Variants in IKZF3 observed in about 807,000 individuals in gnomAD.
The protein encoded by IKZF3 is zinc finger protein Aiolos.
IKZF3 carries 10 observed loss-of-function variants against 49.0 expected under a neutral mutation model. The ratio of observed to expected loss-of-function variants is 0.20; its 90% CI spans 0.13 to 0.35. The LOEUF (loss-of-function observed/expected upper bound fraction) is 0.35. Ranked by LOEUF, IKZF3 falls within the 10% of genes least tolerant of loss-of-function variation. The pLI is 1.00. For synonymous variants in IKZF3, 209 were observed against 228.2 expected (o/e 0.92, Z 0.76); for missense variants, 498 against 664.8 (o/e 0.75, Z 2.76).
Position 39,835,432 on chromosome 17 carries a change from T to C in IKZF3, c.8-3281A>G. On this transcript the variant is annotated intron_variant, in intron 1 of 7. Coordinates refer to ENST00000346872, the MANE Select transcript of IKZF3 (RefSeq NM_012481.5). ...GGCCTCCAGGGAAGCCCTCTGGCCT[T>C]TGAGGCCCTCTGTCTCAGACTGGAG... is the stretch of plus-strand genomic sequence containing the variant. 5 of 467,948 alleles carry C rather than the reference T, an allele frequency of 1.1e-5. 1 individual carries two copies. Among genetic ancestry groups the C allele is most frequent in the South Asian group, 4.6e-5 (3 of 65,104 alleles). 29.0% of individuals were successfully genotyped at this position (467,948 alleles called of 1,614,324 possible).
At chr17:39,813,857 A>T (rs896411524) in intron 3 of IKZF3, among the ~76,000 whole-genome samples, 1 of 152,150 alleles carries the variant, frequency 6.6e-6, no homozygotes, top group Non-Finnish European at 1.5e-5. Context: ...ATATTTTGAT[A>T]AAAAACGGCA....
intron 3 of IKZF3, among the ~76,000 whole-genome samples, chr17:39,813,706 A>G (rs988937977): frequency 6.6e-6 from 1 of 152,068 alleles, no homozygotes; most frequent in Non-Finnish European, 1.5e-5. Context: ...TTGACACAGT[A>G]CAAGCTGTAA....
At chr17:39,838,392 T>C (rs1181954417) in intron 1 of IKZF3, among the ~76,000 whole-genome samples, 1 of 152,234 alleles carries the variant, frequency 6.6e-6, no homozygotes, top group Non-Finnish European at 1.5e-5. Flanking sequence ...GTCATCTTAA[T>C]TTGCTGTTAA....
At position 39,765,632 on chromosome 17, in the gene IKZF3, G is replaced by A; in HGVS notation, c.*158C>T. On this transcript the variant is annotated 3_prime_UTR_variant, in exon 8 of 8. Coordinates refer to ENST00000346872, the MANE Select transcript of IKZF3 (RefSeq NM_012481.5). ...CTAGACCTGCGAATAATTTCTGAAG[G>A]AAGACAGTGTTTCCCTGGCTACCCC... 1.8e-6 allele frequency: 1 copy of A among 564,266 alleles called. No homozygotes were observed. The highest frequency in any genetic ancestry group is 2.6e-5 in the South Asian group (1 of 38,252). 35.0% of individuals were successfully genotyped at this position (564,266 alleles called of 1,614,324 possible).
intron 3 of IKZF3, among the ~76,000 whole-genome samples, chr17:39,806,858 T>C (rs1219506660): frequency 6.6e-6 from 1 of 152,188 alleles, no homozygotes; most frequent in Non-Finnish European, 1.5e-5. Context: ...CTCTCTCTCT[T>C]TCTCTCTGTG....
rs1298272746 is a variant in IKZF3, at chr17:39,864,275, A to G, written c.-149T>C. The G allele has an allele frequency of 5.7e-6, 5 of 871,978 alleles. No individual in the cohort carries two copies. Among genetic ancestry groups the G allele is most frequent in the Middle Eastern group, 3.7e-4 (1 of 2,706 alleles). The allele number at this position is 871,978 out of a possible 1,614,324, so 54.0% of individuals were successfully genotyped here. ...CGGCAGCCGCGTCGGCGCAGACTGAAAAGGGCAGGAGCCGGCGACCTGCCG... is the reference window on the plus strand; with the variant it reads ...CGGCAGCCGCGTCGGCGCAGACTGAGAAGGGCAGGAGCCGGCGACCTGCCG... On this transcript the variant is annotated 5_prime_UTR_variant, in exon 1 of 8. Transcript: ENST00000346872.
intron 6 of IKZF3, among the ~76,000 whole-genome samples, chr17:39,787,198 C>T (rs1430710877): frequency 1.3e-5 from 2 of 152,220 alleles, no homozygotes; most frequent in East Asian, 1.9e-4. Flanking sequence ...AGCTGCAGAA[C>T]CAGGCTGACA....
chr17:39,761,014 G>C lies in IKZF3; in HGVS notation c.*4776C>G, dbSNP rs1201195972. The C allele has an allele frequency of 1.3e-5, 2 of 150,912 alleles. No individual in the cohort carries two copies. The highest frequency in any genetic ancestry group is 2.9e-5 in the Non-Finnish European group (2 of 68,062). 9.3% of individuals were successfully genotyped at this position (150,912 alleles called of 1,614,324 possible). A position where few individuals can be genotyped will look rare whatever the true frequency, so the allele number is the denominator to read the frequency against. On this transcript the variant is annotated 3_prime_UTR_variant, in exon 8 of 8. Coordinates refer to ENST00000346872, the MANE Select transcript of IKZF3 (RefSeq NM_012481.5). ...GAAAAATACAAAAAAAATTAGCTGT[G>C]CATGGTGGTGTGCCTATAGTCCCAG...
At chr17:39,837,428 G>A (rs2062325105) in intron 1 of IKZF3, among the ~76,000 whole-genome samples, 1 of 150,808 alleles carries the variant, frequency 6.6e-6, no homozygotes, top group African/African-American at 2.4e-5. Context: ...TGAGTTTACA[G>A]GGTTTTTTTC....
At chr17:39,856,123 T>C (rs78728729) in intron 1 of IKZF3, among the ~76,000 whole-genome samples, 4,241 of 149,208 alleles carry the variant, frequency 0.028, 231 homozygotes, top group African/African-American at 0.1. Context: ...ATATAACATG[T>C]ATATAATAAC....
chr17:39,835,339 C>T (rs561753294), intron 1 of IKZF3: 28 of 511,256 alleles, frequency 5.5e-5, no homozygotes, highest in African/African-American at 4.4e-4. Flanking sequence ...CACTGTAGGG[C>T]GGCCTCCAGC....
chr17:39,796,563 C>CAA (rs2061167900), intron 3 of IKZF3, among the ~76,000 whole-genome samples: 1 of 138,416 alleles, frequency 7.2e-6, no homozygotes, highest in Non-Finnish European at 1.5e-5. Context: ...TTTTTTGAGT[C>CAA]AGAGTCTCAC....
Position 39,762,562 on chromosome 17 carries a change from T to C in IKZF3, c.*3228A>G, listed in dbSNP as rs1389748024. 1 of 152,228 alleles carries C rather than the reference T, an allele frequency of 6.6e-6. No individual in the cohort carries two copies. The highest frequency in any genetic ancestry group is 1.5e-5 in the Non-Finnish European group (1 of 68,062). The allele number at this position is 152,228 out of a possible 1,614,324, so 9.4% of individuals were successfully genotyped here. ...AAAAAGAGTCCCCAGGCTGGTGGAA[T>C]GGGCCTTGGTTTCACAATCTTGAGA... On this transcript the variant is annotated 3_prime_UTR_variant, in exon 8 of 8. Transcript: ENST00000346872.
chr17:39,807,738 A>T (rs902337034), intron 3 of IKZF3, among the ~76,000 whole-genome samples: 3 of 151,964 alleles, frequency 2.0e-5, no homozygotes, highest in African/African-American at 4.8e-5. Context: ...GCAGCAACAT[A>T]GATGAACTTC....
chr17:39,794,545 C>G (rs2061115366), intron 3 of IKZF3, among the ~76,000 whole-genome samples: 1 of 152,182 alleles, frequency 6.6e-6, no homozygotes, highest in African/African-American at 2.4e-5. Flanking sequence ...CAGGGCCTAA[C>G]CACCATCAGA....
rs1373316284 is a variant in IKZF3 at position 39,764,384 on chromosome 17, A to T, written c.*1406T>A. On this transcript the variant is annotated 3_prime_UTR_variant, in exon 8 of 8. Coordinates refer to ENST00000346872, the MANE Select transcript of IKZF3 (RefSeq NM_012481.5). ...GAGGCTGAGGTGGGAGGATCACCTG[A>T]GCCTGGGGAGGTCGAGGCTGCACTG... 1 of 149,528 alleles carries T rather than the reference A, an allele frequency of 6.7e-6. No homozygotes were observed. The highest frequency in any genetic ancestry group is 2.5e-5 in the African/African-American group (1 of 40,226). 9.3% of individuals were successfully genotyped at this position (149,528 alleles called of 1,614,324 possible). A position where few individuals can be genotyped will look rare whatever the true frequency, so the allele number is the denominator to read the frequency against.
intron 3 of IKZF3, among the ~76,000 whole-genome samples, chr17:39,818,273 G>A (rs2061722742): frequency 6.6e-6 from 1 of 152,084 alleles, no homozygotes; most frequent in African/African-American, 2.4e-5. Flanking sequence ...TGAATACTAC[G>A]TTTTTTCCTA....
At chr17:39,859,568 T>C (rs1472903040) in intron 1 of IKZF3, among the ~76,000 whole-genome samples, 2 of 152,020 alleles carry the variant, frequency 1.3e-5, no homozygotes, top group African/African-American at 4.8e-5. Context: ...TTTGTAGTTT[T>C]TGTAGAGTCA....
At chr17:39,805,051 A>G (rs2061403829) in intron 3 of IKZF3, among the ~76,000 whole-genome samples, 1 of 152,174 alleles carries the variant, frequency 6.6e-6, no homozygotes, top group South Asian at 2.1e-4. Context: ...AGTTGCAAAC[A>G]AGCTCCTTAT....
Sources: gnomAD v4.1 joint callset for allele counts (sites outside exome capture counted in the v4.1 genomes callset) on GRCh38, gnomAD v4.1.1 for gene constraint, MANE v1.5 for transcripts, NCBI Gene and HGNC (gene_info 2026-07-23, HGNC 2026-07-21) for gene names.